The following GRM8 variants were observed in gnomAD, a reference collection of about 807,000 sequenced individuals.
The protein encoded by GRM8 is glutamate metabotropic receptor 8.
In GRM8, 47 loss-of-function variants were observed where a neutral mutation model predicts 87.2. The ratio of observed to expected loss-of-function variants is 0.54; its 90% CI spans 0.43 to 0.69. GRM8 has a LOEUF of 0.69. GRM8 is among the 30% of genes least tolerant of loss of function. GRM8 has a pLI of 0.00. For missense variants in GRM8, 1,019 were observed against 1,139.2 expected (o/e 0.89, Z 1.52); for synonymous variants, 396 against 404.5 (o/e 0.98, Z 0.25).
At chr7:127,189,650 A>C (rs1246890524) in intron 2 of GRM8, among the ~76,000 whole-genome samples, 1 of 152,194 alleles carries the variant, frequency 6.6e-6, no homozygotes, top group African/African-American at 2.4e-5. Context: ...AATAGAAACA[A>C]AGGAAAGGAG....
At chr7:126,665,578 C>T (rs2151292038) in intron 7 of GRM8, among the ~76,000 whole-genome samples, 1 of 152,058 alleles carries the variant, frequency 6.6e-6, no homozygotes, top group East Asian at 1.9e-4. Context: ...AAGATGAGAA[C>T]AACAGACACT....
chr7:126,906,327 T>A (rs1802669264), intron 3 of GRM8, among the ~76,000 whole-genome samples: 2 of 152,130 alleles, frequency 1.3e-5, no homozygotes, highest in South Asian at 4.1e-4. Context: ...TATTTTTTAT[T>A]TTTTAGATAT....
chr7:126,955,614 C>T (rs1373077091), intron 3 of GRM8, among the ~76,000 whole-genome samples: 1 of 152,152 alleles, frequency 6.6e-6, no homozygotes, highest in Non-Finnish European at 1.5e-5. Context: ...TCCATAGGCT[C>T]AAATGGGTTC....
At chr7:126,871,292 T>G (rs1799074277) in intron 6 of GRM8, among the ~76,000 whole-genome samples, 1 of 152,230 alleles carries the variant, frequency 6.6e-6, no homozygotes, top group Non-Finnish European at 1.5e-5. Context: ...ATACTCATTG[T>G]TCTGTGTATG....
chr7:126,683,219 C>A (rs1807805657), intron 7 of GRM8, among the ~76,000 whole-genome samples: 1 of 152,196 alleles, frequency 6.6e-6, no homozygotes, highest in African/African-American at 2.4e-5. Flanking sequence ...TACTCCCCAC[C>A]CTAACATAAT....
intron 7 of GRM8, among the ~76,000 whole-genome samples, chr7:126,617,685 GA>G: frequency 6.6e-6 from 1 of 152,236 alleles, no homozygotes; most frequent in African/African-American, 2.4e-5. Flanking sequence ...AAAGTCTCAG[GA>G]TACAAAATCA....
chr7:127,132,257 G>A (rs913915700), intron 2 of GRM8, among the ~76,000 whole-genome samples: 1 of 152,210 alleles, frequency 6.6e-6, no homozygotes, highest in Non-Finnish European at 1.5e-5. Flanking sequence ...GGACAAATTT[G>A]AGATTCACAC....
chr7:127,121,590 T>C (rs997297535), intron 2 of GRM8, among the ~76,000 whole-genome samples: 4 of 152,154 alleles, frequency 2.6e-5, no homozygotes, highest in Non-Finnish European at 4.4e-5. Context: ...AAAAAAGTCG[T>C]TTAATTGATT....
intron 3 of GRM8, among the ~76,000 whole-genome samples, chr7:127,085,557 C>T (rs1171583930): frequency 1.3e-5 from 2 of 152,138 alleles, no homozygotes; most frequent in Non-Finnish European, 2.9e-5. Flanking sequence ...TCTCTGATGA[C>T]CAGTGATGAT....
chr7:126,789,351 C>T (rs1217625475), intron 6 of GRM8, among the ~76,000 whole-genome samples: 3 of 151,868 alleles, frequency 2.0e-5, no homozygotes, highest in Admixed American at 6.6e-5. Context: ...GCCCAGCAAA[C>T]AAGGCAACAC....
chr7:126,890,344 G>T (rs1376110026), intron 6 of GRM8, among the ~76,000 whole-genome samples: 1 of 152,036 alleles, frequency 6.6e-6, no homozygotes, highest in Non-Finnish European at 1.5e-5. Context: ...GCTCTATGAG[G>T]CAAGTATTAT....
At chr7:126,930,793 G>T (rs969946277) in intron 3 of GRM8, among the ~76,000 whole-genome samples, 1 of 152,148 alleles carries the variant, frequency 6.6e-6, no homozygotes, top group Admixed American at 6.5e-5. Flanking sequence ...CTTGGAGACC[G>T]CTACTTTTCA....
intron 3 of GRM8, among the ~76,000 whole-genome samples, chr7:127,039,989 AAGGGAGGGGAGGGTGAGG>A (rs573629478): frequency 2.7e-4 from 15 of 55,134 alleles, no homozygotes; most frequent in Non-Finnish European, 4.0e-4. Context: ...GGGGAAGGGG[AAGGGAGGGGAGGGTGAGG>A]AGGGAGGGGA....
intron 9 of GRM8, among the ~76,000 whole-genome samples, chr7:126,459,980 G>T (rs1182872183): frequency 6.6e-6 from 1 of 151,454 alleles, no homozygotes; most frequent in Non-Finnish European, 1.5e-5. Context: ...TGTCTGCCTA[G>T]ATCCTGACAG....
At chr7:126,877,321 A>G (rs1034566239) in intron 6 of GRM8, among the ~76,000 whole-genome samples, 3 of 152,220 alleles carry the variant, frequency 2.0e-5, no homozygotes, top group Admixed American at 2.0e-4. Context: ...GGATCTTATC[A>G]CACTAAACAC....
At chr7:126,450,042 T>C (rs1481511678) in intron 9 of GRM8, among the ~76,000 whole-genome samples, 1 of 151,752 alleles carries the variant, frequency 6.6e-6, no homozygotes, top group Non-Finnish European at 1.5e-5. Flanking sequence ...CAATGGAGCA[T>C]ACTAATATGA....
intron 8 of GRM8, among the ~76,000 whole-genome samples, chr7:126,535,150 GTGGCCC>G (rs762130925): frequency 1.3e-5 from 2 of 152,130 alleles, no homozygotes; most frequent in Non-Finnish European, 2.9e-5. Flanking sequence ...AGTCTCCACC[GTGGCCC>G]CCAATAACCT....
At chr7:127,095,481 G>C (rs1477634821) in intron 3 of GRM8, among the ~76,000 whole-genome samples, 1 of 152,188 alleles carries the variant, frequency 6.6e-6, no homozygotes, top group African/African-American at 2.4e-5. Context: ...ATCATCAATA[G>C]AGGAAGAAAT....
chr7:126,836,800 A>G (rs151238812), intron 6 of GRM8, among the ~76,000 whole-genome samples: 2 of 152,302 alleles, frequency 1.3e-5, no homozygotes, highest in East Asian at 3.9e-4. Flanking sequence ...TTATTCATCT[A>G]ATTACTCTTT....
Sources: gnomAD v4.1 joint callset for allele counts (sites outside exome capture counted in the v4.1 genomes callset) on GRCh38, gnomAD v4.1.1 for gene constraint, MANE v1.5 for transcripts, NCBI Gene and HGNC (gene_info 2026-07-23, HGNC 2026-07-21) for gene names.